SPATA17: variants seen among roughly 807,000 people sequenced by gnomAD.
SPATA17 encodes spermatogenesis-associated protein 17.
A neutral mutation model predicts 62.2 loss-of-function variants in SPATA17; 53 were observed. That is an observed-to-expected ratio of 0.85 (90% confidence interval 0.68 to 1.07). The LOEUF is 1.07. SPATA17 is among the 50% of genes least tolerant of loss of function. SPATA17 has a pLI of 0.00. For synonymous variants in SPATA17, 146 were observed against 146.8 expected (o/e 0.99, Z 0.04); for missense variants, 466 against 425.5 (o/e 1.10, Z -0.84).
Position 217,774,209 on chromosome 1 carries a change from G to A in SPATA17, c.520-125G>A, listed in dbSNP as rs548607255. ...TAGGTAAATCTGAAGTCCACCTCTG[G>A]TTAAGAACCACAGTTGTAGTTTAAA... On this transcript the variant is annotated intron_variant, in intron 6 of 10. Transcript: ENST00000366933. The A allele has an allele frequency of 2.2e-5, 17 of 760,916 alleles. No individual in the cohort carries two copies. In the African/African-American group the frequency reaches 2.6e-4, roughly 12 times the overall value. 47.1% of individuals were successfully genotyped at this position (760,916 alleles called of 1,614,324 possible). A position where few individuals can be genotyped will look rare whatever the true frequency, so the allele number is the denominator to read the frequency against.
intron 3 of SPATA17, among the ~76,000 whole-genome samples, chr1:217,653,146 G>C (rs1179356009): frequency 6.6e-6 from 1 of 152,164 alleles, no homozygotes; most frequent in Non-Finnish European, 1.5e-5. Context: ...ATGTGAGTGA[G>C]TGTAGTGTGT....
intron 8 of SPATA17, among the ~76,000 whole-genome samples, chr1:217,797,762 GT>G (rs1256080099): frequency 1.3e-5 from 2 of 152,032 alleles, no homozygotes; most frequent in African/African-American, 4.8e-5. Flanking sequence ...GTCAAATCAA[GT>G]TTTGTAGAAC....
intron 1 of SPATA17, among the ~76,000 whole-genome samples, chr1:217,633,773 G>A (rs1489329154): frequency 3.9e-5 from 6 of 152,174 alleles, no homozygotes; most frequent in Non-Finnish European, 8.8e-5. Context: ...TTCGTAACAA[G>A]GTACGGACAA....
chr1:217,711,073 A>G (rs1192875475), intron 5 of SPATA17, among the ~76,000 whole-genome samples: 1 of 152,230 alleles, frequency 6.6e-6, no homozygotes, highest in Non-Finnish European at 1.5e-5. Context: ...GCTGATGGAC[A>G]TTTGAGATGT....
At chr1:217,669,108 C>G (rs984235614) in intron 4 of SPATA17, 25 bp downstream of exon 4, 5 of 1,602,542 alleles carry the variant, frequency 3.1e-6, no homozygotes, top group Non-Finnish European at 4.3e-6. Context: ...ACTTGTTAAA[C>G]AAATGAAAAG....
chr1:217,831,173 A>C lies in SPATA17; in HGVS notation c.1005+29323A>C, dbSNP rs144705652. 5.9e-3 allele frequency among the ~76,000 whole-genome samples: 904 copies of C among 152,246 alleles called. 10 individuals are homozygous for C. The highest frequency in any genetic ancestry group is 0.021 in the African/African-American group (855 of 41,552). On this transcript the variant is annotated intron_variant, in intron 9 of 10. Transcript: ENST00000366933. ...AGAAGAAATGGATTCTAAAGAGAAAATTAGATGGTAGTTATTATGCTGTCT... is the reference window on the plus strand; with the variant it reads ...AGAAGAAATGGATTCTAAAGAGAAACTTAGATGGTAGTTATTATGCTGTCT...
chr1:217,841,959 T>C (rs1470587748), intron 9 of SPATA17, among the ~76,000 whole-genome samples: 3 of 151,790 alleles, frequency 2.0e-5, no homozygotes, highest in Non-Finnish European at 4.4e-5. Flanking sequence ...TTAAGTATAA[T>C]GTTTTATCAT....
chr1:217,802,691 G>A (rs918202638), intron 9 of SPATA17, among the ~76,000 whole-genome samples: 8 of 152,018 alleles, frequency 5.3e-5, no homozygotes, highest in Admixed American at 2.0e-4. Flanking sequence ...TACAGGTTCC[G>A]TCTCTAATAC....
chr1:217,828,897 C>G (rs1014645993), intron 9 of SPATA17, among the ~76,000 whole-genome samples: 2 of 152,080 alleles, frequency 1.3e-5, no homozygotes, highest in African/African-American at 4.8e-5. Flanking sequence ...TGAGATATCA[C>G]CTCACATCTC....
chr1:217,745,175 G>A (rs1218137005), intron 6 of SPATA17, among the ~76,000 whole-genome samples: 1 of 152,128 alleles, frequency 6.6e-6, no homozygotes, highest in African/African-American at 2.4e-5. Context: ...TTCTCAAATC[G>A]CTTCCCTTGG....
intron 9 of SPATA17, among the ~76,000 whole-genome samples, chr1:217,836,285 G>T (rs1675257246): frequency 6.6e-6 from 1 of 152,064 alleles, no homozygotes; most frequent in African/African-American, 2.4e-5. Flanking sequence ...ACTCTACTTG[G>T]ATATAAAGTT....
chr1:217,774,485 G>A lies in SPATA17; in HGVS notation c.671G>A (p.Arg224His), dbSNP rs376601327. The A allele has an allele frequency of 1.4e-5, 22 of 1,613,914 alleles. No homozygotes were observed. Among genetic ancestry groups the A allele is most frequent in the East Asian group, 8.9e-5 (4 of 44,868 alleles). ...LTDWLACTSA[R>H]SFPRSEILPP... Reference sequence around the variant, plus strand: ...GATTGGCTAGCTTGTACAAGCGCCCGTTCTTTTCCTCGGTCTGAAATTCTA... The same window carrying A: ...GATTGGCTAGCTTGTACAAGCGCCCATTCTTTTCCTCGGTCTGAAATTCTA... Residue 224 changes from arginine to histidine, a missense_variant, in exon 7 of 11, where the codon CGT (arginine) becomes CAT (histidine). Coordinates refer to ENST00000366933, the MANE Select transcript of SPATA17 (RefSeq NM_138796.4).
chr1:217,708,564 G>A (rs1462990583), intron 5 of SPATA17, among the ~76,000 whole-genome samples: 7 of 151,930 alleles, frequency 4.6e-5, no homozygotes, highest in Non-Finnish European at 7.4e-5. Flanking sequence ...ATAATAAGAA[G>A]CCTACCAACC....
intron 1 of SPATA17, among the ~76,000 whole-genome samples, chr1:217,641,919 C>G (rs572524156): frequency 1.3e-5 from 2 of 152,126 alleles, no homozygotes; most frequent in East Asian, 3.8e-4. Context: ...TGTCTTGTCT[C>G]TTTAGTTATC....
chr1:217,685,949 A>G (rs1445393680), intron 5 of SPATA17, among the ~76,000 whole-genome samples: 1 of 152,102 alleles, frequency 6.6e-6, no homozygotes, highest in Non-Finnish European at 1.5e-5. Context: ...ATTTTTTGTT[A>G]TTGATGCTAA....
chr1:217,655,451 C>G (rs1370259567), intron 3 of SPATA17, among the ~76,000 whole-genome samples: 1 of 152,072 alleles, frequency 6.6e-6, no homozygotes, highest in Admixed American at 6.6e-5. Flanking sequence ...TCTACACTGT[C>G]AACTTACTAT....
chr1:217,829,763 G>A (rs1380089213), intron 9 of SPATA17, among the ~76,000 whole-genome samples: 1 of 151,650 alleles, frequency 6.6e-6, no homozygotes, highest in Non-Finnish European at 1.5e-5. Context: ...GGGGATTGGG[G>A]TGGCGAGAGA....
At chr1:217,841,170 G>C (rs1675387372) in intron 9 of SPATA17, among the ~76,000 whole-genome samples, 1 of 151,842 alleles carries the variant, frequency 6.6e-6, no homozygotes, top group Admixed American at 6.6e-5. Flanking sequence ...CAGAAATGAA[G>C]TAAGGTATGA....
Position 217,658,687 on chromosome 1 carries a change from G to T in SPATA17, c.240+7509G>T, listed in dbSNP as rs534818164. Reference sequence around the variant, plus strand: ...GCAGGAGAATGGCGTGAACCCGGGAGGTGGAGCTTGCAGTGAGCCAAGATC... The same window carrying T: ...GCAGGAGAATGGCGTGAACCCGGGATGTGGAGCTTGCAGTGAGCCAAGATC... On this transcript the variant is annotated intron_variant, in intron 3 of 10. Transcript: ENST00000366933. Among the ~76,000 whole-genome samples, 8 of 152,182 alleles carry T rather than the reference G, an allele frequency of 5.3e-5. No homozygotes were observed. In the East Asian group the frequency reaches 1.4e-3, roughly 26 times the overall value.
Sources: gnomAD v4.1 joint callset for allele counts (sites outside exome capture counted in the v4.1 genomes callset) on GRCh38, gnomAD v4.1.1 for gene constraint, MANE v1.5 for transcripts, NCBI Gene and HGNC (gene_info 2026-07-23, HGNC 2026-07-21) for gene names.